CEPT1: variants seen among roughly 807,000 people sequenced by gnomAD.
CEPT1 encodes choline/ethanolaminephosphotransferase 1.
A neutral mutation model predicts 42.6 loss-of-function variants in CEPT1; 7 were observed. That is an observed-to-expected ratio of 0.16 (90% confidence interval 0.09 to 0.31). The LOEUF (loss-of-function observed/expected upper bound fraction) is 0.31. Ranked by LOEUF, CEPT1 falls within the 10% of genes least tolerant of loss-of-function variation. CEPT1 has a pLI of 1.00. For synonymous variants in CEPT1, 171 were observed against 171.9 expected (o/e 0.99, Z 0.04); for missense variants, 306 against 502.1 (o/e 0.61, Z 3.73).
At chr1:111,150,815 G>A (rs1346915197) in intron 2 of CEPT1, among the ~76,000 whole-genome samples, 1 of 152,132 alleles carries the variant, frequency 6.6e-6, no homozygotes, top group Non-Finnish European at 1.5e-5. Flanking sequence ...TAGAAATACA[G>A]ACTTCTCTCT....
At chr1:111,179,991 C>T (rs1179565357) in intron 5 of CEPT1, 1 of 152,158 alleles carries the variant, frequency 6.6e-6, no homozygotes, top group African/African-American at 2.4e-5. Context: ...TGCTTCCTTA[C>T]TTTGTGGTCC....
At position 111,161,356 on chromosome 1, in the gene CEPT1, A is replaced by G; in HGVS notation, c.629+60A>G. On this transcript the variant is annotated intron_variant, in intron 4 of 8. Coordinates refer to ENST00000357172, the MANE Select transcript of CEPT1 (RefSeq NM_006090.5). The stretch of plus-strand genomic sequence containing the variant: ...TTTCACATATGGAGAATGTTGCCTT[A>G]TAAGTATTTGAGTATTAGAAATTGA... 3.4e-6 allele frequency: 5 copies of G among 1,468,552 alleles called. 1 individual carries two copies. Among genetic ancestry groups the G allele is most frequent in the East Asian group, 4.6e-5 (2 of 43,486 alleles). The allele number at this position is 1,468,552 out of a possible 1,614,324, so 91.0% of individuals were successfully genotyped here. A position where few individuals can be genotyped will look rare whatever the true frequency, so the allele number is the denominator to read the frequency against.
At chr1:111,163,224 A>G (rs1655962355) in intron 4 of CEPT1, among the ~76,000 whole-genome samples, 1 of 152,196 alleles carries the variant, frequency 6.6e-6, no homozygotes, top group African/African-American at 2.4e-5. Flanking sequence ...TTAGTATTAC[A>G]AGGGATTAGT....
intron 4 of CEPT1, among the ~76,000 whole-genome samples, chr1:111,169,435 A>T (rs2101353609): frequency 6.6e-6 from 1 of 152,212 alleles, no homozygotes; most frequent in South Asian, 2.1e-4. Flanking sequence ...TTTGTCTATG[A>T]TAACAAAGTA....
chr1:111,180,362 G>T (rs946599683), intron 5 of CEPT1: 1 of 152,188 alleles, frequency 6.6e-6, no homozygotes, highest in African/African-American at 2.4e-5. Flanking sequence ...TTTCAGCCAG[G>T]TGCATCAGAT....
chr1:111,155,722 G>A (rs1304249246), intron 2 of CEPT1, among the ~76,000 whole-genome samples: 1 of 152,028 alleles, frequency 6.6e-6, no homozygotes, highest in Non-Finnish European at 1.5e-5. Flanking sequence ...GTTTTTAGTA[G>A]AGATGGGGTT....
rs761034423 is a variant in CEPT1, at chr1:111,174,957, A to G, written c.708A>G (p.Gln236=). The G allele has an allele frequency of 3.1e-6, 5 of 1,599,394 alleles. No individual in the cohort carries two copies. Among genetic ancestry groups the G allele is most frequent in the South Asian group, 1.1e-5 (1 of 90,758 alleles). ...LAVIGGPPFW[Q]SMIPVLNIQM... Reference sequence around the variant, plus strand: ...TGATTGGAGGACCACCTTTTTGGCAATCTATGGTAACTTTGTTCACATTGT... The same window carrying G: ...TGATTGGAGGACCACCTTTTTGGCAGTCTATGGTAACTTTGTTCACATTGT... Residue 236 remains glutamine, a synonymous_variant, in exon 5 of 9, where the codon CAA becomes CAG. Coordinates refer to ENST00000357172, the MANE Select transcript of CEPT1 (RefSeq NM_006090.5).
chr1:111,152,898 A>G (rs1198113932), intron 2 of CEPT1, among the ~76,000 whole-genome samples: 1 of 152,200 alleles, frequency 6.6e-6, no homozygotes, highest in Non-Finnish European at 1.5e-5. Context: ...GTTATATTTT[A>G]AAACATATAT....
At chr1:111,140,532 C>A (rs1654408290) in intron 1 of CEPT1, 1 of 152,052 alleles carries the variant, frequency 6.6e-6, no homozygotes, top group Non-Finnish European at 1.5e-5. Context: ...GAGACTGCCC[C>A]CTTGCCCCTC....
chr1:111,146,427 A>G (rs1045788909), intron 1 of CEPT1, among the ~76,000 whole-genome samples: 1 of 152,214 alleles, frequency 6.6e-6, no homozygotes, highest in South Asian at 2.1e-4. Flanking sequence ...CAACAGTACC[A>G]GTAATCTCTA....
rs775914989 is a variant in CEPT1, at chr1:111,182,837, A to G, written c.885A>G (p.Ser295=). The G allele has an allele frequency of 1.2e-6, 2 of 1,613,608 alleles. No individual in the cohort carries two copies. The highest frequency in any genetic ancestry group is 1.7e-6 in the Non-Finnish European group (2 of 1,179,594). The stretch of plus-strand genomic sequence containing the variant: ...TTTCTCCTTTTCTCCATATTGGATC[A>G]GTGATTACATTAGCTGCAATGATCT... ...SVLSPFLHIG[S]VITLAAMIYK... is the part of the protein sequence containing the mutation. Residue 295 remains serine, a synonymous_variant, in exon 7 of 9, where the codon TCA becomes TCG. Transcript: ENST00000357172.
At chr1:111,150,645 T>G (rs549088047) in intron 2 of CEPT1, among the ~76,000 whole-genome samples, 3 of 152,160 alleles carry the variant, frequency 2.0e-5, no homozygotes, top group Non-Finnish European at 2.9e-5. Flanking sequence ...TGTTACTGAT[T>G]TTTTAAAAAA....
Position 111,184,177 on chromosome 1 carries a change from T to C in CEPT1, c.1132-14T>C. On this transcript the variant is annotated splice_polypyrimidine_tract_variant and intron_variant, in intron 8 of 8. Coordinates refer to ENST00000357172, the MANE Select transcript of CEPT1 (RefSeq NM_006090.5). ...AGCCTAAACGGGTGCTGAGAATGTCTCTTTTCTTTCCAGGTTTTCTCTTTC... is the reference window on the plus strand; with the variant it reads ...AGCCTAAACGGGTGCTGAGAATGTCCCTTTTCTTTCCAGGTTTTCTCTTTC... 1.2e-6 allele frequency: 2 copies of C among 1,613,048 alleles called. No homozygotes were observed. The highest frequency in any genetic ancestry group is 2.2e-5 in the South Asian group (2 of 91,014).
intron 4 of CEPT1, among the ~76,000 whole-genome samples, chr1:111,165,194 A>G (rs529366987): frequency 8.7e-5 from 13 of 149,784 alleles, no homozygotes; most frequent in South Asian, 2.1e-4. Flanking sequence ...GACTACAGGC[A>G]CCCGCCACCA....
rs549822231 is a variant in CEPT1 at position 111,156,025 on chromosome 1, T to C, written c.340-3355T>C. On this transcript the variant is annotated intron_variant, in intron 2 of 8. Transcript: ENST00000357172. ...ATTTGAAATCTTTCTACTTTTCAGA[T>C]GTGGGCATTTATTTTGCTTTATTCT... Among the ~76,000 whole-genome samples the C allele has an allele frequency of 3.3e-5, 5 of 152,354 alleles. No homozygotes were observed. The East Asian group carries it at 7.7e-4, about 23-fold the overall frequency.
chr1:111,151,992 G>A lies in CEPT1; in HGVS notation c.339+3939G>A, dbSNP rs899060184. 2.6e-5 allele frequency among the ~76,000 whole-genome samples: 4 copies of A among 152,122 alleles called. No homozygotes were observed. In the East Asian group the frequency reaches 5.8e-4, roughly 22 times the overall value. ...ATGACTCCCCAGACCCCTTAGATAC[G>A]AATTTGGGCAAGGTAAAAATCAACA... On this transcript the variant is annotated intron_variant, in intron 2 of 8. Coordinates refer to ENST00000357172, the MANE Select transcript of CEPT1 (RefSeq NM_006090.5).
At chr1:111,151,455 A>G (rs1655273766) in intron 2 of CEPT1, among the ~76,000 whole-genome samples, 1 of 152,184 alleles carries the variant, frequency 6.6e-6, no homozygotes, top group Non-Finnish European at 1.5e-5. Flanking sequence ...GAGGCATGAG[A>G]CATCAATCAA....
At chr1:111,161,992 T>C (rs996805513) in intron 4 of CEPT1, among the ~76,000 whole-genome samples, 3 of 152,220 alleles carry the variant, frequency 2.0e-5, no homozygotes, top group African/African-American at 7.2e-5. Flanking sequence ...CCTCATGATG[T>C]TGTCCTGTGA....
chr1:111,147,748 G>A lies in CEPT1; in HGVS notation c.34G>A (p.Gly12Arg), dbSNP rs777325883. The change falls in exon 2 of 9, where the codon GGA (glycine) becomes AGA (arginine). Residue 12 changes from glycine to arginine, a missense_variant. Physicochemically the swap from Gly to Arg is moderately radical, Grantham distance 125 (BLOSUM62 -2). Coordinates refer to ENST00000357172, the MANE Select transcript of CEPT1 (RefSeq NM_006090.5). ...SGHRSTRKRC[G>R]DSHPESPVGF... is the part of the protein sequence containing the mutation. Reference sequence around the variant, plus strand: ...GCATCGATCAACAAGGAAAAGATGTGGAGATTCTCACCCGGAGTCCCCAGT... The same window carrying A: ...GCATCGATCAACAAGGAAAAGATGTAGAGATTCTCACCCGGAGTCCCCAGT... 3.1e-6 allele frequency: 5 copies of A among 1,612,842 alleles called. No homozygotes were observed. The highest frequency in any genetic ancestry group is 4.2e-6 in the Non-Finnish European group (5 of 1,179,016).
Sources: allele counts gnomAD v4.1 joint callset (sites outside exome capture counted in the v4.1 genomes callset), GRCh38; gene constraint gnomAD v4.1.1; transcripts MANE v1.5; gene names NCBI Gene and HGNC (gene_info 2026-07-23, HGNC 2026-07-21).